HCK: variants seen among roughly 807,000 people sequenced by gnomAD.
The protein encoded by HCK is tyrosine-protein kinase HCK.
In HCK, 40 loss-of-function variants were observed where a neutral mutation model predicts 70.4. That is an observed-to-expected ratio of 0.57 (90% CI 0.44 to 0.74). HCK has a LOEUF of 0.74. HCK is among the 30% of genes least tolerant of loss of function. HCK has a pLI of 0.00. For missense variants in HCK, 568 were observed against 697.2 expected (o/e 0.81, Z 2.09); for synonymous variants, 245 against 263.2 (o/e 0.93, Z 0.67).
chr20:32,098,461 G>A (rs1020906012), intron 11 of HCK, among the ~76,000 whole-genome samples: 4 of 151,940 alleles, frequency 2.6e-5, no homozygotes, highest in Admixed American at 1.3e-4. Context: ...GTGCCACTGC[G>A]CTCCAGCCTG....
rs1365132925 is a variant in HCK at position 32,071,693 on chromosome 20, G to T, written c.94G>T (p.Val32Phe). 1 of 1,614,120 alleles carries T rather than the reference G, an allele frequency of 6.2e-7. No homozygotes were observed. ...GTGCATGAAGTCCAAGTTCCTCCAG[G>T]TCGGAGGCAATACATTCTCAAAAAC... Residue 32 changes from valine (V) to phenylalanine (F), a missense_variant, in exon 2 of 13, where the codon GTC (valine) becomes TTC (phenylalanine). This residue lies in a region of HCK where 318 missense variants were observed against 336.0 expected (regional missense o/e 0.95). Transcript: ENST00000375852.
At chr20:32,091,995 A>G (rs1219132886) in intron 10 of HCK, among the ~76,000 whole-genome samples, 1 of 151,366 alleles carries the variant, frequency 6.6e-6, no homozygotes. Context: ...AAAAAAAAAG[A>G]AGAAAGAAAA....
At position 32,094,717 on chromosome 20, in the gene HCK, GA is replaced by G. The variant is rs1471069848; in HGVS notation, c.1246+704del. ...AAGAAAAGAAAAGAAAAGAAAGAAA[GA>G]AAGAAAGAAAGAAAGAAAGAAAGAA... is the stretch of plus-strand genomic sequence containing the variant. On this transcript the variant is annotated intron_variant, in intron 11 of 12. Coordinates refer to ENST00000375852, the MANE Select transcript of HCK (RefSeq NM_002110.5). 8.3e-3 allele frequency among the ~76,000 whole-genome samples: 636 copies of G among 76,572 alleles called. 13 individuals carry two copies. Among genetic ancestry groups the G allele is most frequent in the African/African-American group, 0.025 (587 of 23,780 alleles). The allele number at this position is 76,572 out of a possible 152,430, so 50.2% of individuals were successfully genotyped here.
intron 1 of HCK, among the ~76,000 whole-genome samples, chr20:32,055,657 T>C (rs113703726): frequency 0.022 from 3,277 of 152,312 alleles, 93 homozygotes; most frequent in African/African-American, 0.075. Flanking sequence ...AGAAATATTT[T>C]AATCGAGGTG....
At chr20:32,088,788 T>C (rs1312137211) in intron 10 of HCK, 144 bp downstream of exon 10, 7 of 625,012 alleles carry the variant, frequency 1.1e-5, no homozygotes, top group Non-Finnish European at 2.0e-5. Context: ...ACTATGTTTT[T>C]TGCATATATT....
chr20:32,061,503 G>A (rs891502337), intron 1 of HCK, among the ~76,000 whole-genome samples: 7 of 152,164 alleles, frequency 4.6e-5, no homozygotes, highest in Non-Finnish European at 7.3e-5. Context: ...TCTGAGAGGT[G>A]CATCCTCATG....
chr20:32,061,512 T>C (rs981396801), intron 1 of HCK, among the ~76,000 whole-genome samples: 1 of 152,126 alleles, frequency 6.6e-6, no homozygotes, highest in Middle Eastern at 3.2e-3. Context: ...TGCATCCTCA[T>C]GGCCACCACG....
In HCK at chr20:32,093,866, G is replaced by T. The variant is rs1600742995; in HGVS notation, c.1096G>T (p.Ala366Ser). Reference sequence around the variant, plus strand: ...GGTGTCTCTGTTTGGGGTGCAGATTGCAGAAGGCATGGCCTTCATCGAGCA... The same window carrying T: ...GGTGTCTCTGTTTGGGGTGCAGATTTCAGAAGGCATGGCCTTCATCGAGCA... The change falls in exon 11 of 13, where the codon GCA (alanine) becomes TCA (serine). Residue 366 changes from alanine (A) to serine (S), a missense_variant. This residue lies in a region of HCK where 160 missense variants were observed against 237.5 expected (regional missense o/e 0.67). Transcript: ENST00000375852. 1 of 1,610,846 alleles carries T rather than the reference G, an allele frequency of 6.2e-7. No individual in the cohort carries two copies. Among genetic ancestry groups the T allele is most frequent in the Non-Finnish European group, 8.5e-7 (1 of 1,178,544 alleles).
intron 1 of HCK, among the ~76,000 whole-genome samples, chr20:32,067,461 G>A (rs575280618): frequency 2.0e-5 from 3 of 151,438 alleles, no homozygotes; most frequent in Admixed American, 6.6e-5. Context: ...ATGTGGCTTC[G>A]GAATGTAATT....
Position 32,054,723 on chromosome 20 carries a change from G to A in HCK, c.62+2237G>A, listed in dbSNP as rs540376056. Among the ~76,000 whole-genome samples the A allele has an allele frequency of 4.6e-5, 7 of 151,814 alleles. No individual in the cohort carries two copies. In the South Asian group the frequency reaches 6.3e-4, roughly 14 times the overall value. On this transcript the variant is annotated intron_variant, in intron 1 of 12. Transcript: ENST00000375852. ...GGGGAGGCTGAGGCAGGAGAATGGC[G>A]TGAACCCTGGAGGTGGAGCTTGCAG... is the stretch of plus-strand genomic sequence containing the variant.
intron 1 of HCK, among the ~76,000 whole-genome samples, chr20:32,059,409 TTC>T (rs960908878): frequency 1.3e-4 from 11 of 86,854 alleles, no homozygotes; most frequent in African/African-American, 3.0e-4. Context: ...CCTTTCTTCT[TTC>T]TCTCTCTCTC....
At chr20:32,097,695 C>A (rs891236092) in intron 11 of HCK, among the ~76,000 whole-genome samples, 1 of 151,878 alleles carries the variant, frequency 6.6e-6, no homozygotes, top group African/African-American at 2.4e-5. Flanking sequence ...GTCTGTAGAT[C>A]CAAAGGAGGA....
Position 32,052,297 on chromosome 20 carries a change from AG to A in HCK, c.-125del, listed in dbSNP as rs1455858882. On this transcript the variant is annotated 5_prime_UTR_variant, in exon 1 of 13. Coordinates refer to ENST00000375852, the MANE Select transcript of HCK (RefSeq NM_002110.5). ...ATCAGAGGCTTAGAGGCGAGTGGGA[AG>A]GGACTCAGACAGTGCAGGACGAGAA... 1 of 609,814 alleles carries A rather than the reference AG, an allele frequency of 1.6e-6. No homozygotes were observed. The highest frequency in any genetic ancestry group is 3.5e-5 in the East Asian group (1 of 28,718). 37.8% of individuals were successfully genotyped at this position (609,814 alleles called of 1,614,324 possible).
intron 5 of HCK, among the ~76,000 whole-genome samples, chr20:32,076,123 G>C (rs956016237): frequency 6.6e-6 from 1 of 152,118 alleles, no homozygotes; most frequent in African/African-American, 2.4e-5. Context: ...AGGAGTTCGA[G>C]ACCAGCCTGA....
chr20:32,052,782 T>TGGC (rs2045195397), intron 1 of HCK, among the ~76,000 whole-genome samples: 1 of 99,614 alleles, frequency 1.0e-5, no homozygotes, highest in Admixed American at 1.0e-4. Context: ...TTCCCCTTCT[T>TGGC]GGGGGGGGGC....
At chr20:32,094,058 T>C (rs762994176) in intron 11 of HCK, 42 bp downstream of exon 11, 1 of 1,584,252 alleles carries the variant, frequency 6.3e-7, no homozygotes, top group South Asian at 1.1e-5. Context: ...CCCATTTGGA[T>C]GCTTGTGAGT....
chr20:32,099,117 G>A lies in HCK; in HGVS notation c.1360G>A (p.Gly454Ser), dbSNP rs778488179. 17 of 1,613,972 alleles carry A rather than the reference G, an allele frequency of 1.1e-5. No individual in the cohort carries two copies. Among genetic ancestry groups the A allele is most frequent in the East Asian group, 2.2e-5 (1 of 44,896 alleles). ...CCTGCTGATGGAGATCGTCACCTACGGCCGGATCCCTTACCCAGGTAGGGA... is the reference window on the plus strand; with the variant it reads ...CCTGCTGATGGAGATCGTCACCTACAGCCGGATCCCTTACCCAGGTAGGGA... Residue 454 changes from glycine to serine, a missense_variant, in exon 12 of 13, where the codon GGC (glycine) becomes AGC (serine). By Grantham distance (56) the Gly-to-Ser change is moderately conservative. Transcript: ENST00000375852.
At chr20:32,094,780 A>AAAGAAAGG (rs1569010139) in intron 11 of HCK, among the ~76,000 whole-genome samples, 2 of 99,762 alleles carry the variant, frequency 2.0e-5, no homozygotes, top group African/African-American at 8.8e-5. Flanking sequence ...AAAGAAAGAG[A>AAAGAAAGG]GAGAAAGAGA....
chr20:32,054,286 G>A (rs1483715773), intron 1 of HCK: 2 of 455,706 alleles, frequency 4.4e-6, no homozygotes, highest in East Asian at 7.0e-5. Context: ...ATAAATGTAC[G>A]CATAAACAAC....
Sources: gnomAD v4.1 joint callset for allele counts (sites outside exome capture counted in the v4.1 genomes callset) on GRCh38, gnomAD v4.1.1 for gene constraint, gnomAD v4.1.1 regional missense constraint, MANE v1.5 for transcripts, NCBI Gene and HGNC (gene_info 2026-07-23, HGNC 2026-07-21) for gene names.